The following EXOC1 variants were observed in gnomAD, a reference collection of about 807,000 sequenced individuals.
EXOC1 encodes exocyst complex component 1.
A neutral mutation model predicts 107.7 loss-of-function variants in EXOC1; 67 were observed. The ratio of observed to expected loss-of-function variants is 0.62; its 90% CI spans 0.51 to 0.76. The LOEUF (loss-of-function observed/expected upper bound fraction) is 0.76. Among genes scored for constraint, EXOC1 ranks in the 30% least tolerant of loss-of-function variants. The pLI, the probability that EXOC1 is intolerant of heterozygous loss-of-function variation, is 0.00. For missense variants in EXOC1, 833 were observed against 1,055.7 expected (o/e 0.79, Z 2.92); for synonymous variants, 348 against 353.5 (o/e 0.98, Z 0.17).
At chr4:55,876,167 A>C in intron 8 of EXOC1, 1 of 985,386 alleles carries the variant, frequency 1.0e-6, no homozygotes, top group Non-Finnish European at 1.2e-6. Context: ...GTTAGCCCTT[A>C]CAGAAAAGAT....
Position 55,853,803 on chromosome 4 carries a change from C to G in EXOC1, c.-161C>G, listed in dbSNP as rs762382882. ...AGGCTCAGTCCGGCCTTGCGGTAAG[C>G]CTTCGGCCGCGGCTGCCCGGTAGTC... On this transcript the variant is annotated 5_prime_UTR_variant, in exon 1 of 19. Coordinates refer to ENST00000381295, the MANE Select transcript of EXOC1 (RefSeq NM_001024924.2). 1 of 152,412 alleles carries G rather than the reference C, an allele frequency of 6.6e-6. No individual in the cohort carries two copies. Among genetic ancestry groups the G allele is most frequent in the South Asian group, 2.1e-4 (1 of 4,838 alleles). The allele number at this position is 152,412 out of a possible 1,614,324, so 9.4% of individuals were successfully genotyped here.
intron 8 of EXOC1, chr4:55,876,401 T>G (rs1722897220): frequency 1.3e-6 from 1 of 741,864 alleles, no homozygotes; most frequent in Non-Finnish European, 1.6e-6. Context: ...ATATATACTG[T>G]ATATTATATA....
chr4:55,858,080 G>A (rs1442859925), intron 1 of EXOC1, among the ~76,000 whole-genome samples: 1 of 152,156 alleles, frequency 6.6e-6, no homozygotes, highest in African/African-American at 2.4e-5. Context: ...TAAATCTTGT[G>A]TGTGTGTGTA....
At chr4:55,862,308 C>G (rs1434088376) in intron 3 of EXOC1, among the ~76,000 whole-genome samples, 1 of 149,670 alleles carries the variant, frequency 6.7e-6, no homozygotes, top group Non-Finnish European at 1.5e-5. Context: ...TGCAGACTTG[C>G]TTAATGGATT....
At chr4:55,899,036 C>G (rs1725580966) in intron 16 of EXOC1, among the ~76,000 whole-genome samples, 1 of 152,084 alleles carries the variant, frequency 6.6e-6, no homozygotes, top group African/African-American at 2.4e-5. Context: ...ACAGCTGTAC[C>G]AATGCTGGGT....
intron 2 of EXOC1, among the ~76,000 whole-genome samples, chr4:55,859,212 A>C (rs559374394): frequency 3.3e-5 from 5 of 152,272 alleles, no homozygotes; most frequent in African/African-American, 1.2e-4. Flanking sequence ...CTATAGTTCA[A>C]TTTGGAGAGA....
intron 11 of EXOC1, 23 bp downstream of exon 11, chr4:55,888,955 T>C (rs948567045): frequency 6.2e-7 from 1 of 1,611,268 alleles, no homozygotes; most frequent in Non-Finnish European, 8.5e-7. Flanking sequence ...AGTGTATTAG[T>C]AGGTATTCTC....
chr4:55,891,312 C>T lies in EXOC1; in HGVS notation c.1540-3C>T. 1 of 1,606,668 alleles carries T rather than the reference C, an allele frequency of 6.2e-7. No homozygotes were observed. Among genetic ancestry groups the T allele is most frequent in the Non-Finnish European group, 8.5e-7 (1 of 1,173,496 alleles). ...GTTATAGGATCACTTTGGTTTTCTTCAGATCTTTGAACAGGTACTAAGTGA... is the reference window on the plus strand; with the variant it reads ...GTTATAGGATCACTTTGGTTTTCTTTAGATCTTTGAACAGGTACTAAGTGA... On this transcript the variant is annotated splice_polypyrimidine_tract_variant and splice_region_variant and intron_variant, in intron 12 of 18. Coordinates refer to ENST00000381295, the MANE Select transcript of EXOC1 (RefSeq NM_001024924.2).
At chr4:55,870,649 T>A (rs1385034633) in intron 5 of EXOC1, 29 bp from the exon 6 acceptor site, 1 of 1,555,664 alleles carries the variant, frequency 6.4e-7, no homozygotes, top group Middle Eastern at 1.7e-4. Flanking sequence ...TGTTTGTTTG[T>A]TTGTTTGTTT....
At chr4:55,899,298 GTAT>G (rs1372297871) in intron 16 of EXOC1, among the ~76,000 whole-genome samples, 2 of 151,922 alleles carry the variant, frequency 1.3e-5, no homozygotes, top group African/African-American at 4.8e-5. Flanking sequence ...ACTTATGATT[GTAT>G]TATTTGTTTG....
intron 8 of EXOC1, chr4:55,876,224 A>G (rs1031107792): frequency 2.0e-6 from 2 of 985,380 alleles, no homozygotes; most frequent in South Asian, 4.7e-5. Context: ...CCATTCTTCA[A>G]CACTTTAGCT....
intron 7 of EXOC1, 79 bp from the exon 8 acceptor site, chr4:55,871,770 G>A: frequency 7.7e-7 from 1 of 1,290,424 alleles, no homozygotes; most frequent in South Asian, 1.3e-5. Context: ...CAAAACGTTA[G>A]ATACGTTTAA....
intron 2 of EXOC1, 32 bp downstream of exon 2, chr4:55,858,479 T>C (rs779061828): frequency 1.5e-5 from 23 of 1,539,160 alleles, no homozygotes; most frequent in Non-Finnish European, 1.9e-5. Context: ...GTACTTGTTT[T>C]GTATCCTTTT....
At chr4:55,870,119 T>C (rs1453700526) in intron 5 of EXOC1, among the ~76,000 whole-genome samples, 2 of 152,226 alleles carry the variant, frequency 1.3e-5, no homozygotes, top group Admixed American at 1.3e-4. Flanking sequence ...ATCGGCCGTA[T>C]GCTCTTCTAC....
intron 18 of EXOC1, among the ~76,000 whole-genome samples, chr4:55,903,067 C>T (rs2109523779): frequency 6.6e-6 from 1 of 150,722 alleles, no homozygotes; most frequent in East Asian, 2.0e-4. Context: ...TCACTTGAGC[C>T]CAGGAGATTG....
At chr4:55,856,250 T>G (rs1431575913) in intron 1 of EXOC1, among the ~76,000 whole-genome samples, 1 of 152,166 alleles carries the variant, frequency 6.6e-6, no homozygotes, top group African/African-American at 2.4e-5. Context: ...TTATGGAGAT[T>G]GATAAAAACA....
At chr4:55,892,849 T>G (rs955381926) in intron 14 of EXOC1, 138 bp downstream of exon 14, 1 of 717,660 alleles carries the variant, frequency 1.4e-6, no homozygotes, top group Non-Finnish European at 2.3e-6. Flanking sequence ...CATTGTCTTA[T>G]CAAACGTTTT....
Position 55,893,592 on chromosome 4 carries a change from T to C in EXOC1, c.1765T>C (p.Cys589Arg). The C allele has an allele frequency of 6.2e-7, 1 of 1,613,940 alleles. No individual in the cohort carries two copies. The stretch of plus-strand genomic sequence containing the variant: ...CCAAATGATGATTAAAATATTTCGC[T>C]GCATTGAGCCAGAGCTGAACAACCT... ...IRQMMIKIFR[C>R]IEPELNNLIA... is the part of the protein sequence containing the mutation. Residue 589 changes from cysteine (C) to arginine (R), a missense_variant, in exon 15 of 19, where the codon TGC (cysteine) becomes CGC (arginine). Cys to Arg is a radical substitution (Grantham distance 180). This residue lies in a region of EXOC1 where 617 missense variants were observed against 701.3 expected (regional missense o/e 0.88). Coordinates refer to ENST00000381295, the MANE Select transcript of EXOC1 (RefSeq NM_001024924.2).
In EXOC1 at chr4:55,890,223, G is replaced by A; in HGVS notation, c.1376G>A (p.Ser459Asn). Residue 459 changes from serine (S) to asparagine (N), a missense_variant and splice_region_variant, in exon 12 of 19, where the codon AGT (serine) becomes AAT (asparagine). By Grantham distance (46) the Ser-to-Asn change is conservative (BLOSUM62 1). Around this residue, in one of 2 missense-constraint regions of EXOC1, gnomAD observed 617 missense variants for 701.3 expected, o/e 0.88. Coordinates refer to ENST00000381295, the MANE Select transcript of EXOC1 (RefSeq NM_001024924.2). ...KESAVKQETESLHGSSGKLTG... is the reference protein window; with the variant it reads ...KESAVKQETENLHGSSGKLTG... ...CTTTCAAAGTTTTATTATTTCTTAG[G>A]TCTTCATGGAAGTTCGGGGAAATTA... is the stretch of plus-strand genomic sequence containing the variant. 1 of 1,613,446 alleles carries A rather than the reference G, an allele frequency of 6.2e-7. No individual in the cohort carries two copies. Among genetic ancestry groups the A allele is most frequent in the South Asian group, 1.1e-5 (1 of 91,048 alleles).
Sources: gnomAD v4.1 joint callset for allele counts (sites outside exome capture counted in the v4.1 genomes callset) on GRCh38, gnomAD v4.1.1 for gene constraint, gnomAD v4.1.1 regional missense constraint, MANE v1.5 for transcripts, NCBI Gene and HGNC (gene_info 2026-07-23, HGNC 2026-07-21) for gene names.